Variants in SBF2 observed in about 807,000 individuals in gnomAD.
SBF2 encodes the protein SET binding factor 2.
A neutral mutation model predicts 225.2 loss-of-function variants in SBF2; 112 were observed. The ratio of observed to expected loss-of-function variants is 0.50; its 90% confidence interval spans 0.43 to 0.58. The LOEUF (loss-of-function observed/expected upper bound fraction) is 0.58. Ranked by LOEUF, SBF2 falls within the 20% of genes least tolerant of loss-of-function variation. The probability of loss-of-function intolerance (pLI) is 0.00; values close to 1 mark genes in which losing one functional copy is unlikely to be tolerated. For synonymous variants in SBF2, 763 were observed against 773.3 expected (o/e 0.99, Z 0.22); for missense variants, 1,996 against 2,206.2 (o/e 0.90, Z 1.91).
intron 16 of SBF2, among the ~76,000 whole-genome samples, chr11:9,938,612 A>G (rs1412261517): frequency 6.6e-6 from 1 of 152,218 alleles, no homozygotes. Flanking sequence ...TAAAAATCCA[A>G]TACATGACAA....
intron 2 of SBF2, among the ~76,000 whole-genome samples, chr11:10,146,146 G>A (rs1008265547): frequency 1.1e-4 from 16 of 152,100 alleles, no homozygotes; most frequent in African/African-American, 3.6e-4. Context: ...TGGCCATATT[G>A]CCCAAAGAAA....
chr11:10,213,880 T>C (rs907007111), intron 1 of SBF2, among the ~76,000 whole-genome samples: 3 of 152,226 alleles, frequency 2.0e-5, no homozygotes, highest in African/African-American at 7.2e-5. Context: ...CTTACACCTA[T>C]GAAATCTGAT....
At chr11:10,287,565 A>G (rs895953735) in intron 1 of SBF2, among the ~76,000 whole-genome samples, 2 of 152,236 alleles carry the variant, frequency 1.3e-5, no homozygotes, top group Non-Finnish European at 2.9e-5. Context: ...TATGAGCCAC[A>G]GCGGCCAGCC....
At chr11:10,277,041 G>C (rs1476889666) in intron 1 of SBF2, among the ~76,000 whole-genome samples, 1 of 149,362 alleles carries the variant, frequency 6.7e-6, no homozygotes, top group Non-Finnish European at 1.5e-5. Context: ...AGGCCAGCCT[G>C]GTGAACATAG....
At chr11:10,245,593 T>A (rs1959707556) in intron 1 of SBF2, among the ~76,000 whole-genome samples, 2 of 152,094 alleles carry the variant, frequency 1.3e-5, no homozygotes, top group Admixed American at 1.3e-4. Context: ...TGGAGGCACC[T>A]CAAAAAATTA....
At chr11:9,953,192 T>A (rs1865960832) in intron 16 of SBF2, among the ~76,000 whole-genome samples, 1 of 152,184 alleles carries the variant, frequency 6.6e-6, no homozygotes, top group South Asian at 2.1e-4. Context: ...ATGCCTGTAA[T>A]CCCAGCACTT....
intron 2 of SBF2, among the ~76,000 whole-genome samples, chr11:10,066,626 T>C (rs565903308): frequency 1.7e-4 from 26 of 152,310 alleles, no homozygotes; most frequent in African/African-American, 6.0e-4. Context: ...TTCCTTAACC[T>C]AATAAAGAGC....
intron 15 of SBF2, among the ~76,000 whole-genome samples, chr11:9,963,190 C>G (rs974865113): frequency 6.6e-6 from 1 of 152,160 alleles, no homozygotes; most frequent in Non-Finnish European, 1.5e-5. Flanking sequence ...TTTGGCCAAG[C>G]ATGTTGGCTC....
chr11:9,916,759 A>G (rs1247992584), intron 16 of SBF2, among the ~76,000 whole-genome samples: 1 of 151,700 alleles, frequency 6.6e-6, no homozygotes, highest in Admixed American at 6.6e-5. Flanking sequence ...TAATTTTTAA[A>G]TTTTTTGTAG....
intron 16 of SBF2, chr11:9,961,704 A>T: frequency 2.6e-6 from 1 of 382,644 alleles, no homozygotes; most frequent in Non-Finnish European, 4.8e-6. Context: ...TTCATTTTCA[A>T]AGAACTTGCT....
chr11:10,223,312 C>T (rs146053805), intron 1 of SBF2, among the ~76,000 whole-genome samples: 18 of 149,190 alleles, frequency 1.2e-4, no homozygotes, highest in African/African-American at 3.9e-4. Flanking sequence ...AAAATCTGCA[C>T]ATAACTTTTA....
chr11:10,287,463 G>A (rs1360652962), intron 1 of SBF2, among the ~76,000 whole-genome samples: 1 of 151,306 alleles, frequency 6.6e-6, no homozygotes, highest in East Asian at 1.9e-4. Context: ...TTTTTTCAAA[G>A]ATGGGGCTCA....
intron 1 of SBF2, among the ~76,000 whole-genome samples, chr11:10,254,922 AAAAAAAAAAAAAAAAAAT>A (rs1960733632): frequency 6.8e-6 from 1 of 146,096 alleles, no homozygotes; most frequent in Non-Finnish European, 1.5e-5. Flanking sequence ...AAAAAAAAAA[AAAAAAAAAAAAAAAAAAT>A]CCTATTATTT....
chr11:9,908,196 G>T (rs1230025483), intron 16 of SBF2, among the ~76,000 whole-genome samples: 1 of 146,554 alleles, frequency 6.8e-6, no homozygotes, highest in Non-Finnish European at 1.5e-5. Flanking sequence ...CAATGGAAGG[G>T]CTTGAAGAAA....
At chr11:9,959,293 C>G in intron 16 of SBF2, 1 of 775,172 alleles carries the variant, frequency 1.3e-6, no homozygotes, top group Middle Eastern at 3.6e-4. Context: ...AATGTCCCTG[C>G]CATAGGTTTT....
At chr11:10,129,464 G>C (rs1953927000) in intron 2 of SBF2, among the ~76,000 whole-genome samples, 1 of 152,144 alleles carries the variant, frequency 6.6e-6, no homozygotes, top group Non-Finnish European at 1.5e-5. Flanking sequence ...GCCATGTGCT[G>C]TGCTTAGGAA....
At chr11:9,883,300 A>C (rs367992135) in intron 17 of SBF2, among the ~76,000 whole-genome samples, 4 of 152,022 alleles carry the variant, frequency 2.6e-5, no homozygotes, top group Non-Finnish European at 5.9e-5. Flanking sequence ...GAAAAAAAAA[A>C]CAGCCAAAAC....
chr11:9,992,845 G>A (rs1947497949), intron 11 of SBF2, 145 bp downstream of exon 11: 2 of 633,002 alleles, frequency 3.2e-6, no homozygotes, highest in East Asian at 5.6e-5. Context: ...TTATTATTAA[G>A]AACTGATATC....
intron 2 of SBF2, among the ~76,000 whole-genome samples, chr11:10,061,550 C>T (rs911807395): frequency 3.3e-5 from 5 of 152,012 alleles, no homozygotes; most frequent in African/African-American, 4.8e-5. Flanking sequence ...CCAACAACAA[C>T]GAAACCGAGA....
Sources: gnomAD v4.1 joint callset for allele counts (sites outside exome capture counted in the v4.1 genomes callset) on GRCh38, gnomAD v4.1.1 for gene constraint, MANE v1.5 for transcripts, NCBI Gene and HGNC (gene_info 2026-07-23, HGNC 2026-07-21) for gene names.